The following RXRA variants were observed in gnomAD, a reference collection of about 807,000 sequenced individuals.
The protein encoded by RXRA is retinoid X receptor alpha, also known as retinoic acid receptor RXR-alpha.
RXRA carries 5 observed loss-of-function variants against 44.5 expected under a neutral mutation model. The ratio of observed to expected loss-of-function variants is 0.11; its 90% CI spans 0.06 to 0.24. The LOEUF is 0.24. RXRA is among the 10% of genes least tolerant of loss of function. The pLI, the probability that RXRA is intolerant of heterozygous loss-of-function variation, is 1.00. For synonymous variants in RXRA, 291 were observed against 271.4 expected (o/e 1.07, Z -0.71); for missense variants, 412 against 646.5 (o/e 0.64, Z 3.93).
chr9:134,359,052 G>A (rs1218509097), intron 1 of RXRA, among the ~76,000 whole-genome samples: 1 of 152,192 alleles, frequency 6.6e-6, no homozygotes, highest in Non-Finnish European at 1.5e-5. Flanking sequence ...CTGCCGTGTG[G>A]GAGAGGCCGA....
intron 1 of RXRA, among the ~76,000 whole-genome samples, chr9:134,356,620 G>A (rs544856841): frequency 2.6e-5 from 4 of 152,328 alleles, no homozygotes; most frequent in South Asian, 2.1e-4. Context: ...GAGATGGCCC[G>A]GTGCACTGAG....
At chr9:134,355,839 C>T (rs919482383) in intron 1 of RXRA, among the ~76,000 whole-genome samples, 2 of 152,156 alleles carry the variant, frequency 1.3e-5, no homozygotes, top group Non-Finnish European at 2.9e-5. Context: ...GCTCACCCTG[C>T]CCTGGAGTCT....
intron 1 of RXRA, among the ~76,000 whole-genome samples, chr9:134,352,883 C>T (rs1185323422): frequency 1.3e-5 from 2 of 152,186 alleles, no homozygotes; most frequent in African/African-American, 2.4e-5. Context: ...CATGGGAGTT[C>T]TCTCCTGCTT....
intron 1 of RXRA, among the ~76,000 whole-genome samples, chr9:134,397,662 G>A (rs73556240): frequency 2.0e-5 from 3 of 152,112 alleles, no homozygotes; most frequent in South Asian, 2.1e-4. Flanking sequence ...GCTCCTCCTC[G>A]CCTGGGGTTC....
chr9:134,340,758 G>A (rs1241408662), intron 1 of RXRA, among the ~76,000 whole-genome samples: 1 of 152,190 alleles, frequency 6.6e-6, no homozygotes, highest in Non-Finnish European at 1.5e-5. Context: ...GTCCTCCCTG[G>A]CCCTCTAGCT....
intron 1 of RXRA, among the ~76,000 whole-genome samples, chr9:134,373,814 C>A (rs546867834): frequency 1.3e-5 from 2 of 152,346 alleles, no homozygotes; most frequent in Middle Eastern, 3.4e-3. Flanking sequence ...TGGGCAGGGC[C>A]CACCTTTGTT....
At chr9:134,411,828 T>C (rs898687439) in intron 4 of RXRA, among the ~76,000 whole-genome samples, 2 of 152,166 alleles carry the variant, frequency 1.3e-5, no homozygotes, top group African/African-American at 2.4e-5. Context: ...TGCCTCTCCT[T>C]GTGCACAGGG....
intron 7 of RXRA, among the ~76,000 whole-genome samples, chr9:134,431,284 G>A (rs1386460905): frequency 6.6e-6 from 1 of 152,272 alleles, no homozygotes. Context: ...GGGCAGCTGA[G>A]TCTGAATCCA....
chr9:134,365,742 C>T lies in RXRA; in HGVS notation c.29-35890C>T, dbSNP rs192033931. ...GGGGCCCGGCAGAGTCTCGGTGGGT[C>T]TCGGTGGGGCCAGCTGTCGGTGGGT... On this transcript the variant is annotated intron_variant, in intron 1 of 9. Transcript: ENST00000481739. This position sits in a 1 kb window ranked among gnomAD's most constrained non-coding sequence, Gnocchi z 4.0. Among the ~76,000 whole-genome samples the T allele has an allele frequency of 6.6e-6, 1 of 151,856 alleles. No homozygotes were observed. Among genetic ancestry groups the T allele is most frequent in the Admixed American group, 6.5e-5 (1 of 15,274 alleles).
chr9:134,350,702 A>G (rs1321222789), intron 1 of RXRA, among the ~76,000 whole-genome samples: 2 of 152,126 alleles, frequency 1.3e-5, no homozygotes, highest in Non-Finnish European at 2.9e-5. Context: ...CCCCCGCAGG[A>G]GCAGCTCCAT....
chr9:134,381,648 C>T (rs1050690058), intron 1 of RXRA, among the ~76,000 whole-genome samples: 2 of 152,062 alleles, frequency 1.3e-5, no homozygotes, highest in Non-Finnish European at 2.9e-5. Flanking sequence ...GTGGTGCTGG[C>T]CTTGAGGGAT....
Position 134,437,991 on chromosome 9 carries a change from C to T in RXRA, c.*1377C>T, listed in dbSNP as rs951499997. 4 of 152,586 alleles carry T rather than the reference C, an allele frequency of 2.6e-5. No homozygotes were observed. Among genetic ancestry groups the T allele is most frequent in the African/African-American group, 7.2e-5 (3 of 41,460 alleles). The allele number at this position is 152,586 out of a possible 1,614,324, so 9.5% of individuals were successfully genotyped here. On this transcript the variant is annotated 3_prime_UTR_variant, in exon 10 of 10. Transcript: ENST00000481739. Reference sequence around the variant, plus strand: ...TGCGGCCTGGCGCTCCTCCCGCAGGCTCTGCCCCCGGGCTCCGGTGGTGCG... The same window carrying T: ...TGCGGCCTGGCGCTCCTCCCGCAGGTTCTGCCCCCGGGCTCCGGTGGTGCG...
intron 1 of RXRA, among the ~76,000 whole-genome samples, chr9:134,393,977 C>T (rs1468748733): frequency 6.6e-6 from 1 of 151,802 alleles, no homozygotes; most frequent in Admixed American, 6.6e-5. Context: ...CTCAGTATGG[C>T]CAAGAGGACC....
At chr9:134,397,067 C>T (rs1830891172) in intron 1 of RXRA, among the ~76,000 whole-genome samples, 1 of 152,230 alleles carries the variant, frequency 6.6e-6, no homozygotes, top group South Asian at 2.1e-4. Flanking sequence ...GGTGGGGGTT[C>T]CCCAGGCTTC....
chr9:134,401,787 G>C lies in RXRA; in HGVS notation c.184G>C (p.Gly62Arg), dbSNP rs1401534563. 12 of 1,613,132 alleles carry C rather than the reference G, an allele frequency of 7.4e-6. No individual in the cohort carries two copies. Among genetic ancestry groups the C allele is most frequent in the Non-Finnish European group, 1.0e-5 (12 of 1,179,918 alleles). The change falls in exon 2 of 10, where the codon GGC becomes CGC. Residue 62 changes from glycine to arginine, a missense_variant. This residue lies in a region of RXRA where 156 missense variants were observed against 177.2 expected (regional missense o/e 0.88). Transcript: ENST00000481739. ...CCTGAGCTCCCCCATCAACGGCATG[G>C]GCCCGCCTTTCTCGGTCATCAGCTC... ...STLSSPINGM[G>R]PPFSVISSPM... is the part of the protein sequence containing the mutation.
chr9:134,417,089 A>G lies in RXRA; in HGVS notation c.611-69A>G, dbSNP rs2119177461. 6.6e-7 allele frequency: 1 copy of G among 1,521,242 alleles called. No individual in the cohort carries two copies. Among genetic ancestry groups the G allele is most frequent in the Non-Finnish European group, 8.8e-7 (1 of 1,132,508 alleles). 94.2% of individuals were successfully genotyped at this position (1,521,242 alleles called of 1,614,324 possible). A position where few individuals can be genotyped will look rare whatever the true frequency, so the allele number is the denominator to read the frequency against. On this transcript the variant is annotated intron_variant, in intron 4 of 9. Transcript: ENST00000481739. The surrounding 1 kb of genome is among the most constrained non-coding windows in gnomAD (Gnocchi z 6.1). Reference sequence around the variant, plus strand: ...GGCTGGGAGCTGGCACCACCCGGCCAGGACAGCCTTCCCTGGGAGCCACTG... The same window carrying G: ...GGCTGGGAGCTGGCACCACCCGGCCGGGACAGCCTTCCCTGGGAGCCACTG...
intron 3 of RXRA, among the ~76,000 whole-genome samples, chr9:134,408,595 T>A (rs1015455326): frequency 1.3e-5 from 2 of 152,208 alleles, no homozygotes; most frequent in Non-Finnish European, 2.9e-5. Context: ...GTGCTGCGCC[T>A]CCTCCCTTGG....
chr9:134,329,270 G>T (rs1588243902), intron 1 of RXRA, among the ~76,000 whole-genome samples: 4 of 152,338 alleles, frequency 2.6e-5, no homozygotes, highest in Admixed American at 2.6e-4. Context: ...CACATTCCGG[G>T]GCCTCCCGAA....
At chr9:134,350,553 A>G (rs1183290855) in intron 1 of RXRA, among the ~76,000 whole-genome samples, 3 of 152,164 alleles carry the variant, frequency 2.0e-5, no homozygotes, top group African/African-American at 7.2e-5. Context: ...CAGGCCCCAG[A>G]CGATGCCGCA....
Sources: allele counts gnomAD v4.1 joint callset (sites outside exome capture counted in the v4.1 genomes callset), GRCh38; gene constraint gnomAD v4.1.1; regional missense constraint gnomAD v4.1.1; non-coding constraint Gnocchi (gnomAD v3.1); transcripts MANE v1.5; gene names NCBI Gene and HGNC (gene_info 2026-07-23, HGNC 2026-07-21).